Variants in PGGT1B observed in about 807,000 individuals in gnomAD.
PGGT1B encodes geranylgeranyl transferase type-1 subunit beta.
PGGT1B carries 30 observed loss-of-function variants against 46.1 expected under a neutral mutation model. The observed-to-expected ratio is 0.65, with a 90% confidence interval of 0.49 to 0.88. The LOEUF is 0.88. Ranked by LOEUF, PGGT1B falls within the 40% of genes least tolerant of loss-of-function variation. The probability of loss-of-function intolerance (pLI) is 0.00; values close to 1 mark genes in which losing one functional copy is unlikely to be tolerated. For synonymous variants in PGGT1B, 170 were observed against 160.0 expected (o/e 1.06, Z -0.47); for missense variants, 376 against 455.9 (o/e 0.82, Z 1.60).
rs1756091274 is a variant in PGGT1B at position 115,207,184 on chromosome 5, T to TATAC, written c.*5217_*5218insGTAT. On this transcript the variant is annotated 3_prime_UTR_variant, in exon 9 of 9. Coordinates refer to ENST00000419445, the MANE Select transcript of PGGT1B (RefSeq NM_005023.4). Reference sequence around the variant, plus strand: ...GTTTAGGTTTGCATATACATACATATATATATATATATATATATATATAGT... The same window carrying TATAC: ...GTTTAGGTTTGCATATACATACATATATACATATATATATATATATATATATAGT... The TATAC allele has an allele frequency of 9.4e-6, 1 of 106,736 alleles. No homozygotes were observed. Among genetic ancestry groups the TATAC allele is most frequent in the Middle Eastern group, 3.6e-3 (1 of 278 alleles). 6.6% of individuals were successfully genotyped at this position (106,736 alleles called of 1,614,324 possible).
intron 4 of PGGT1B, among the ~76,000 whole-genome samples, chr5:115,237,538 C>T (rs1039654326): frequency 1.3e-5 from 2 of 152,050 alleles, no homozygotes; most frequent in African/African-American, 4.8e-5. Context: ...TAAATGTATG[C>T]GTACTTCAAA....
intron 8 of PGGT1B, among the ~76,000 whole-genome samples, chr5:115,215,973 C>T (rs1039404764): frequency 5.3e-5 from 8 of 152,108 alleles, no homozygotes; most frequent in Non-Finnish European, 7.4e-5. Flanking sequence ...AAACATATGT[C>T]GGGTGAGGTG....
In PGGT1B at chr5:115,212,098, A is replaced by C. The variant is rs1254007405; in HGVS notation, c.*304T>G. 1.2e-5 allele frequency: 3 copies of C among 258,102 alleles called. No individual in the cohort carries two copies. Among genetic ancestry groups the C allele is most frequent in the Non-Finnish European group, 2.2e-5 (3 of 135,252 alleles). 16.0% of individuals were successfully genotyped at this position (258,102 alleles called of 1,614,324 possible). ...CATTTTATAATAAGATACAATTTGC[A>C]CTGAAGAGTTTTTAAAAAGATAACC... On this transcript the variant is annotated 3_prime_UTR_variant, in exon 9 of 9. Transcript: ENST00000419445.
rs1369331032 is a variant in PGGT1B, at chr5:115,206,308, G to A, written c.*6094C>T. 1 of 151,920 alleles carries A rather than the reference G, an allele frequency of 6.6e-6. No homozygotes were observed. Among genetic ancestry groups the A allele is most frequent in the East Asian group, 1.9e-4 (1 of 5,186 alleles). The allele number at this position is 151,920 out of a possible 1,614,324, so 9.4% of individuals were successfully genotyped here. ...AGGCTGTGGGTATAGTATAGGCTGG[G>A]ATGGGGAGAGAACTATCATTTTTCT... is the stretch of plus-strand genomic sequence containing the variant. On this transcript the variant is annotated 3_prime_UTR_variant, in exon 9 of 9. Transcript: ENST00000419445.
In PGGT1B at chr5:115,212,224, T is replaced by A. The variant is rs1322069191; in HGVS notation, c.*178A>T. 1.8e-6 allele frequency: 2 copies of A among 1,133,364 alleles called. No individual in the cohort carries two copies. The highest frequency in any genetic ancestry group is 3.2e-5 in the African/African-American group (2 of 62,636). The allele number at this position is 1,133,364 out of a possible 1,614,324, so 70.2% of individuals were successfully genotyped here. On this transcript the variant is annotated 3_prime_UTR_variant, in exon 9 of 9. Coordinates refer to ENST00000419445, the MANE Select transcript of PGGT1B (RefSeq NM_005023.4). ...TGTGGTTCAAACTTCAACAAAGATT[T>A]TCTTGAAACCCAGTATAAAGATTAC...
chr5:115,246,160 T>C (rs1747823466), intron 2 of PGGT1B, among the ~76,000 whole-genome samples: 1 of 152,084 alleles, frequency 6.6e-6, no homozygotes, highest in African/African-American at 2.4e-5. Flanking sequence ...GAGACCAGCC[T>C]GACCAACATG....
At chr5:115,227,942 G>A (rs1756842532) in intron 6 of PGGT1B, among the ~76,000 whole-genome samples, 4 of 152,114 alleles carry the variant, frequency 2.6e-5, no homozygotes, top group Admixed American at 2.6e-4. Context: ...CTAATTTATG[G>A]AGGACAACTG....
intron 8 of PGGT1B, among the ~76,000 whole-genome samples, chr5:115,214,690 A>T (rs903977687): frequency 2.0e-5 from 3 of 152,146 alleles, no homozygotes; most frequent in Admixed American, 2.0e-4. Context: ...TAGCAACTGA[A>T]CTCTCCGGAA....
intron 7 of PGGT1B, among the ~76,000 whole-genome samples, chr5:115,219,030 A>C (rs1756509547): frequency 6.6e-6 from 1 of 151,944 alleles, no homozygotes; most frequent in Non-Finnish European, 1.5e-5. Flanking sequence ...ACTACTACCC[A>C]AAGGGATCTA....
intron 2 of PGGT1B, among the ~76,000 whole-genome samples, chr5:115,243,457 G>A (rs1054704357): frequency 1.3e-5 from 2 of 152,118 alleles, no homozygotes; most frequent in African/African-American, 4.8e-5. Flanking sequence ...AAATAAATGT[G>A]CATTTTTATG....
chr5:115,251,061 C>T (rs1748071838), intron 2 of PGGT1B, among the ~76,000 whole-genome samples: 1 of 152,090 alleles, frequency 6.6e-6, no homozygotes, highest in African/African-American at 2.4e-5. Flanking sequence ...ATAAAAAATA[C>T]TGTTATAAAC....
chr5:115,242,100 T>A (rs969034542), intron 2 of PGGT1B, among the ~76,000 whole-genome samples: 9 of 152,236 alleles, frequency 5.9e-5, no homozygotes, highest in African/African-American at 2.2e-4. Context: ...AGAGAAAATA[T>A]GTACTTTGTA....
chr5:115,207,148 T>C lies in PGGT1B; in HGVS notation c.*5254A>G, dbSNP rs1471174710. The C allele has an allele frequency of 2.1e-5, 3 of 144,292 alleles. No homozygotes were observed. Among genetic ancestry groups the C allele is most frequent in the Non-Finnish European group, 4.6e-5 (3 of 65,806 alleles). The allele number at this position is 144,292 out of a possible 1,614,324, so 8.9% of individuals were successfully genotyped here. A position where few individuals can be genotyped will look rare whatever the true frequency, so the allele number is the denominator to read the frequency against. On this transcript the variant is annotated 3_prime_UTR_variant, in exon 9 of 9. Coordinates refer to ENST00000419445, the MANE Select transcript of PGGT1B (RefSeq NM_005023.4). ...ACAAAGGTGGTCTTCTCTTCAAGTA[T>C]CTTCTAACTAGTTTAGGTTTGCATA...
intron 7 of PGGT1B, among the ~76,000 whole-genome samples, chr5:115,217,681 C>T (rs1580744637): frequency 1.3e-5 from 2 of 151,844 alleles, no homozygotes; most frequent in East Asian, 3.9e-4. Flanking sequence ...CCAGAGAGAG[C>T]CACAGCTTTT....
In PGGT1B at chr5:115,218,638, T is replaced by C. The variant is rs191854070; in HGVS notation, c.844-1665A>G. Among the ~76,000 whole-genome samples, 621 of 151,538 alleles carry C rather than the reference T, an allele frequency of 4.1e-3. 6 individuals are homozygous for C. The highest frequency in any genetic ancestry group is 0.014 in the African/African-American group (593 of 41,480). On this transcript the variant is annotated intron_variant, in intron 7 of 8. Transcript: ENST00000419445. ...TGTCCTTCTCTGTACAAAGTATATC[T>C]CAGGGTAAGGTAAAATTCTTCTTTA...
chr5:115,222,152 T>C (rs933914150), intron 6 of PGGT1B, 144 bp from the exon 7 acceptor site: 5 of 477,862 alleles, frequency 1.0e-5, no homozygotes, highest in Non-Finnish European at 7.3e-6. Flanking sequence ...GATTTTAAAA[T>C]AACCACTAAA....
intron 6 of PGGT1B, among the ~76,000 whole-genome samples, 195 bp downstream of exon 6, chr5:115,230,781 C>G (rs567632612): frequency 6.6e-6 from 1 of 152,080 alleles, no homozygotes; most frequent in South Asian, 2.1e-4. Context: ...CTGAATAACA[C>G]CTGAATGATT....
At chr5:115,253,557 A>T (rs1163886684) in intron 1 of PGGT1B, among the ~76,000 whole-genome samples, 2 of 151,976 alleles carry the variant, frequency 1.3e-5, no homozygotes, top group African/African-American at 2.4e-5. Context: ...AAGTAGATTT[A>T]AAAAAGGATT....
rs1427842393 is a variant in PGGT1B at position 115,211,781 on chromosome 5, C to T, written c.*621G>A. On this transcript the variant is annotated 3_prime_UTR_variant, in exon 9 of 9. Transcript: ENST00000419445. The stretch of plus-strand genomic sequence containing the variant: ...ATAATAGTTGTCTTCAAACAATCTC[C>T]TTTTAGAAAACTATCACATTAGTTA... 3.9e-5 allele frequency: 6 copies of T among 152,134 alleles called. No individual in the cohort carries two copies. Among genetic ancestry groups the T allele is most frequent in the African/African-American group, 1.4e-4 (6 of 41,422 alleles). 9.4% of individuals were successfully genotyped at this position (152,134 alleles called of 1,614,324 possible). A position where few individuals can be genotyped will look rare whatever the true frequency, so the allele number is the denominator to read the frequency against.
Sources: allele counts gnomAD v4.1 joint callset (sites outside exome capture counted in the v4.1 genomes callset), GRCh38; gene constraint gnomAD v4.1.1; transcripts MANE v1.5; gene names NCBI Gene and HGNC (gene_info 2026-07-23, HGNC 2026-07-21).